PRKG1: variants seen among roughly 807,000 people sequenced by gnomAD.
PRKG1 encodes cGMP-dependent protein kinase 1.
In PRKG1, 35 loss-of-function variants were observed where a neutral mutation model predicts 88.1. The observed-to-expected ratio is 0.40, with a 90% CI of 0.30 to 0.53. The LOEUF is 0.53. Ranked by LOEUF, PRKG1 falls within the 20% of genes least tolerant of loss-of-function variation. PRKG1 has a pLI of 0.59. For synonymous variants in PRKG1, 303 were observed against 292.5 expected (o/e 1.04, Z -0.37); for missense variants, 540 against 839.8 (o/e 0.64, Z 4.41).
chr10:51,728,775 G>C (rs1321220355), intron 3 of PRKG1, among the ~76,000 whole-genome samples: 2 of 152,230 alleles, frequency 1.3e-5, no homozygotes, highest in African/African-American at 4.8e-5. Context: ...TTAAGTGCAG[G>C]TATCAAATAT....
intron 2 of PRKG1, among the ~76,000 whole-genome samples, chr10:51,165,739 T>C (rs1261071763): frequency 6.6e-6 from 1 of 152,034 alleles, no homozygotes; most frequent in Non-Finnish European, 1.5e-5. Flanking sequence ...AAGGCAGGGG[T>C]TGCAATCCAT....
chr10:51,986,018 G>T (rs570234591), intron 5 of PRKG1, among the ~76,000 whole-genome samples: 9 of 152,138 alleles, frequency 5.9e-5, no homozygotes, highest in Non-Finnish European at 8.8e-5. Flanking sequence ...ATACACTATA[G>T]GGTATTTGTC....
At chr10:51,799,675 T>C (rs562301317) in intron 3 of PRKG1, among the ~76,000 whole-genome samples, 1 of 152,076 alleles carries the variant, frequency 6.6e-6, no homozygotes, top group Admixed American at 6.6e-5. Flanking sequence ...CTAAATAGTA[T>C]AAAAGTATTT....
rs915514646 is a variant in PRKG1 at position 52,062,960 on chromosome 10, T to C, written c.935+329T>C. 1.7e-5 allele frequency: 10 copies of C among 598,112 alleles called. No homozygotes were observed. In the Middle Eastern group the frequency reaches 1.9e-3, roughly 113 times the overall value. 37.1% of individuals were successfully genotyped at this position (598,112 alleles called of 1,614,324 possible). A position where few individuals can be genotyped will look rare whatever the true frequency, so the allele number is the denominator to read the frequency against. ...CTTTGTGCAATGATTTTACTCAGAATCATTAAGATAGTTGGTTGAAATTTT... is the reference window on the plus strand; with the variant it reads ...CTTTGTGCAATGATTTTACTCAGAACCATTAAGATAGTTGGTTGAAATTTT... On this transcript the variant is annotated intron_variant, in intron 7 of 17. Coordinates refer to ENST00000373980, the MANE Select transcript of PRKG1 (RefSeq NM_006258.4).
chr10:51,593,230 A>G (rs1838356466), intron 3 of PRKG1, among the ~76,000 whole-genome samples: 1 of 152,328 alleles, frequency 6.6e-6, no homozygotes, highest in Middle Eastern at 3.4e-3. Flanking sequence ...CTTATTGAAA[A>G]TACATTTCTC....
chr10:51,034,219 C>A (rs1564576705), intron 1 of PRKG1, among the ~76,000 whole-genome samples: 2 of 152,114 alleles, frequency 1.3e-5, no homozygotes, highest in Non-Finnish European at 2.9e-5. Context: ...ATTGCTTTTT[C>A]ATCTGAGTTT....
At chr10:52,101,923 G>C (rs915499309) in intron 7 of PRKG1, among the ~76,000 whole-genome samples, 2 of 152,196 alleles carry the variant, frequency 1.3e-5, no homozygotes, top group African/African-American at 4.8e-5. Flanking sequence ...AGGACTTAAG[G>C]CAGGAAGGAA....
At chr10:52,061,884 G>A (rs937386759) in intron 6 of PRKG1, among the ~76,000 whole-genome samples, 2 of 152,034 alleles carry the variant, frequency 1.3e-5, no homozygotes, top group African/African-American at 4.8e-5. Flanking sequence ...ATTCTTCTCA[G>A]GGAAAGGGAC....
At chr10:51,969,054 A>C (rs1843642064) in intron 5 of PRKG1, among the ~76,000 whole-genome samples, 1 of 152,172 alleles carries the variant, frequency 6.6e-6, no homozygotes, top group African/African-American at 2.4e-5. Context: ...TAGAATACAT[A>C]GAAAATATCA....
intron 7 of PRKG1, among the ~76,000 whole-genome samples, chr10:52,097,947 G>T (rs1589604008): frequency 1.3e-5 from 2 of 151,994 alleles, no homozygotes; most frequent in African/African-American, 4.8e-5. Flanking sequence ...TAAAGGTAAG[G>T]TTTTCTTATT....
intron 1 of PRKG1, among the ~76,000 whole-genome samples, chr10:51,091,883 A>G (rs761391587): frequency 2.0e-5 from 3 of 152,318 alleles, no homozygotes; most frequent in Non-Finnish European, 4.4e-5. Flanking sequence ...AGAGAAGTTA[A>G]GTAATTTGCC....
intron 12 of PRKG1, among the ~76,000 whole-genome samples, chr10:52,276,498 G>T (rs563895021): frequency 6.6e-4 from 101 of 152,206 alleles, no homozygotes; most frequent in African/African-American, 2.4e-3. Context: ...ACTAAACATT[G>T]TGATTAAATT....
At chr10:51,940,173 C>CT (rs978119630) in intron 5 of PRKG1, among the ~76,000 whole-genome samples, 1 of 151,714 alleles carries the variant, frequency 6.6e-6, no homozygotes, top group Non-Finnish European at 1.5e-5. Flanking sequence ...ATATCCCCTG[C>CT]TTTTTTTGGT....
intron 2 of PRKG1, among the ~76,000 whole-genome samples, chr10:51,293,885 A>G (rs908448049): frequency 2.0e-5 from 3 of 152,008 alleles, no homozygotes; most frequent in Admixed American, 1.3e-4. Flanking sequence ...AACCTCACCA[A>G]CATTTCTGTC....
intron 4 of PRKG1, among the ~76,000 whole-genome samples, chr10:51,867,731 C>A (rs1841051610): frequency 6.6e-6 from 1 of 152,050 alleles, no homozygotes; most frequent in African/African-American, 2.4e-5. Flanking sequence ...TAGATGAGTA[C>A]CCTCTTCTGA....
chr10:51,201,865 A>G (rs903878800), intron 2 of PRKG1, among the ~76,000 whole-genome samples: 1 of 152,270 alleles, frequency 6.6e-6, no homozygotes, highest in Non-Finnish European at 1.5e-5. Context: ...TGTATAAGCT[A>G]TCCAGTCTAC....
At chr10:52,039,314 C>T (rs1348033934) in intron 5 of PRKG1, among the ~76,000 whole-genome samples, 4 of 151,680 alleles carry the variant, frequency 2.6e-5, no homozygotes, top group Admixed American at 2.0e-4. Flanking sequence ...CAGTGGGGGT[C>T]GCAAGGTGCT....
At chr10:52,042,712 A>G (rs1385892376) in intron 5 of PRKG1, among the ~76,000 whole-genome samples, 1 of 152,174 alleles carries the variant, frequency 6.6e-6, no homozygotes, top group African/African-American at 2.4e-5. Context: ...AAAAGCAAAA[A>G]TAAACAAATG....
At chr10:51,484,577 C>A (rs1393838072) in intron 3 of PRKG1, among the ~76,000 whole-genome samples, 1 of 151,970 alleles carries the variant, frequency 6.6e-6, no homozygotes, top group Non-Finnish European at 1.5e-5. Context: ...GCGCCTGGCC[C>A]CCACATTTAT....
Sources: allele counts gnomAD v4.1 joint callset (sites outside exome capture counted in the v4.1 genomes callset), GRCh38; gene constraint gnomAD v4.1.1; transcripts MANE v1.5; gene names NCBI Gene and HGNC (gene_info 2026-07-23, HGNC 2026-07-21).